Variants in ERC2 observed in about 807,000 individuals in gnomAD.
The protein encoded by ERC2 is ERC protein 2.
ERC2 carries 42 observed loss-of-function variants against 114.8 expected under a neutral mutation model. That is an observed-to-expected ratio of 0.37 (90% CI 0.29 to 0.47). ERC2 has a LOEUF of 0.47. Ranked by LOEUF, ERC2 falls within the 20% of genes least tolerant of loss-of-function variation. ERC2 has a pLI of 0.99. For missense variants in ERC2, 939 were observed against 1,150.7 expected (o/e 0.82, Z 2.66); for synonymous variants, 454 against 425.5 (o/e 1.07, Z -0.82).
intron 2 of ERC2, among the ~76,000 whole-genome samples, chr3:56,384,378 T>C (rs1424814491): frequency 6.6e-6 from 1 of 152,220 alleles, no homozygotes; most frequent in Admixed American, 6.5e-5. Flanking sequence ...ATTTTGTTTT[T>C]TGTAATAGCC....
At chr3:56,359,567 T>A (rs1231702994) in intron 2 of ERC2, among the ~76,000 whole-genome samples, 1 of 152,272 alleles carries the variant, frequency 6.6e-6, no homozygotes, top group Non-Finnish European at 1.5e-5. Context: ...CAAGACAAAG[T>A]GACTTGCCCA....
At chr3:56,106,222 T>G (rs2078655633) in intron 6 of ERC2, among the ~76,000 whole-genome samples, 1 of 152,134 alleles carries the variant, frequency 6.6e-6, no homozygotes, top group African/African-American at 2.4e-5. Context: ...GGCAGAAGGT[T>G]CAACAGGAAG....
At chr3:55,636,722 C>T (rs9831688) in intron 17 of ERC2, among the ~76,000 whole-genome samples, 34,432 of 152,024 alleles carry the variant, frequency 0.23, 4,026 homozygotes, top group East Asian at 0.43. Flanking sequence ...AGAAAATAAA[C>T]GAAGAGGTGT....
chr3:55,740,860 C>T (rs371747315), intron 14 of ERC2, among the ~76,000 whole-genome samples: 1 of 152,116 alleles, frequency 6.6e-6, no homozygotes, highest in African/African-American at 2.4e-5. Flanking sequence ...CCAAAGTACT[C>T]CAAAATCCTA....
chr3:55,723,767 G>T (rs1016498994), intron 15 of ERC2, among the ~76,000 whole-genome samples: 2 of 152,170 alleles, frequency 1.3e-5, no homozygotes, highest in African/African-American at 4.8e-5. Flanking sequence ...GGACAGACCT[G>T]GTGTGCACCA....
chr3:56,049,704 A>C (rs983409819), intron 7 of ERC2, among the ~76,000 whole-genome samples: 2 of 152,114 alleles, frequency 1.3e-5, no homozygotes, highest in African/African-American at 4.8e-5. Flanking sequence ...TCAGACTCCA[A>C]GTTCTTCAGC....
At chr3:56,280,980 T>C (rs1576247058) in intron 3 of ERC2, among the ~76,000 whole-genome samples, 1 of 152,260 alleles carries the variant, frequency 6.6e-6, no homozygotes, top group Middle Eastern at 3.4e-3. Context: ...AAGTGCTCAA[T>C]AAAGGGGAGC....
At chr3:55,858,668 C>G (rs2061892996) in intron 14 of ERC2, among the ~76,000 whole-genome samples, 1 of 152,168 alleles carries the variant, frequency 6.6e-6, no homozygotes, top group Admixed American at 6.5e-5. Context: ...TATTGTAGAG[C>G]AAGACAAAAA....
rs143781848 is a variant in ERC2 at position 56,272,771 on chromosome 3, T to TA, written c.1074+23247dup. Among the ~76,000 whole-genome samples the TA allele has an allele frequency of 8.0e-3, 1,213 of 152,018 alleles. 17 individuals are homozygous for TA. The highest frequency in any genetic ancestry group is 0.027 in the African/African-American group (1,102 of 41,464). ...AGCGACAGAGATTTTGTCTCAATAA[T>TA]AAAAAACAAAGAAAGAAATGGAGGT... On this transcript the variant is annotated intron_variant, in intron 3 of 17. Transcript: ENST00000288221.
At chr3:56,021,642 G>T (rs1048205380) in intron 7 of ERC2, among the ~76,000 whole-genome samples, 5 of 152,006 alleles carry the variant, frequency 3.3e-5, no homozygotes, top group Non-Finnish European at 1.5e-5. Context: ...TGTCAAGGGG[G>T]TTTGTTGTAC....
chr3:56,171,726 A>T (rs2082677886), intron 4 of ERC2, among the ~76,000 whole-genome samples: 1 of 152,052 alleles, frequency 6.6e-6, no homozygotes, highest in Admixed American at 6.6e-5. Context: ...TTTCTACTTT[A>T]AAAAGTCACA....
At chr3:55,939,268 C>G (rs2066635069) in intron 13 of ERC2, among the ~76,000 whole-genome samples, 1 of 152,224 alleles carries the variant, frequency 6.6e-6, no homozygotes, top group African/African-American at 2.4e-5. Flanking sequence ...TGACCAACCT[C>G]AAACTCTAAT....
intron 17 of ERC2, among the ~76,000 whole-genome samples, chr3:55,550,832 C>A (rs192660030): frequency 3.3e-5 from 5 of 151,914 alleles, no homozygotes; most frequent in South Asian, 4.2e-4. Flanking sequence ...CTGGCTAACA[C>A]GGTGAAACCC....
chr3:56,025,588 A>G (rs1398344722), intron 7 of ERC2, among the ~76,000 whole-genome samples: 5 of 152,182 alleles, frequency 3.3e-5, no homozygotes, highest in African/African-American at 7.2e-5. Flanking sequence ...TTTCTCACAT[A>G]GAAAATCACC....
intron 17 of ERC2, among the ~76,000 whole-genome samples, chr3:55,665,313 C>G (rs915885464): frequency 2.6e-5 from 4 of 152,176 alleles, no homozygotes; most frequent in Non-Finnish European, 5.9e-5. Flanking sequence ...TGGAAGAAAC[C>G]TTTAAATGAT....
intron 2 of ERC2, among the ~76,000 whole-genome samples, chr3:56,341,674 T>C (rs145241306): frequency 1.3e-5 from 2 of 152,098 alleles, no homozygotes; most frequent in Admixed American, 6.5e-5. Flanking sequence ...ATCATCCCAC[T>C]GTGCCCAGAA....
intron 2 of ERC2, among the ~76,000 whole-genome samples, chr3:56,409,182 C>T (rs939843863): frequency 1.3e-5 from 2 of 152,218 alleles, no homozygotes; most frequent in African/African-American, 4.8e-5. Flanking sequence ...CGCATTGTAT[C>T]AACACTCTGC....
intron 17 of ERC2, among the ~76,000 whole-genome samples, chr3:55,555,989 G>C (rs370460049): frequency 6.6e-6 from 1 of 152,178 alleles, no homozygotes; most frequent in Non-Finnish European, 1.5e-5. Flanking sequence ...TGAGCTCACA[G>C]CACCCAGAGA....
intron 3 of ERC2, among the ~76,000 whole-genome samples, chr3:56,248,911 A>G (rs1045888942): frequency 2.0e-5 from 3 of 152,236 alleles, no homozygotes; most frequent in Non-Finnish European, 4.4e-5. Context: ...TATTCAGAAC[A>G]GTTTATGTTA....
Sources: gnomAD v4.1 joint callset for allele counts (sites outside exome capture counted in the v4.1 genomes callset) on GRCh38, gnomAD v4.1.1 for gene constraint, MANE v1.5 for transcripts, NCBI Gene and HGNC (gene_info 2026-07-23, HGNC 2026-07-21) for gene names.